Variants in ASTN2 observed in about 807,000 individuals in gnomAD.
ASTN2 encodes astrotactin 2.
A neutral mutation model predicts 139.8 loss-of-function variants in ASTN2; 54 were observed. That is an observed-to-expected ratio of 0.39 (90% CI 0.31 to 0.48). The LOEUF is 0.48. ASTN2 is among the 20% of genes least tolerant of loss of function. The pLI is 0.95. For missense variants in ASTN2, 1,565 were observed against 1,725.1 expected (o/e 0.91, Z 1.64); for synonymous variants, 756 against 719.5 (o/e 1.05, Z -0.81).
At chr9:116,912,409 G>A (rs1463198614) in intron 10 of ASTN2, among the ~76,000 whole-genome samples, 1 of 152,200 alleles carries the variant, frequency 6.6e-6, no homozygotes, top group East Asian at 1.9e-4. Context: ...CACAAGGTCC[G>A]CCTTCTTCAT....
chr9:116,567,394 C>T (rs940834769), intron 19 of ASTN2, among the ~76,000 whole-genome samples: 4 of 152,194 alleles, frequency 2.6e-5, no homozygotes, highest in African/African-American at 9.6e-5. Flanking sequence ...CCACTGAGTG[C>T]TCTTCTCAGT....
chr9:116,841,001 C>G (rs1185363328), intron 11 of ASTN2, among the ~76,000 whole-genome samples: 1 of 151,912 alleles, frequency 6.6e-6, no homozygotes, highest in African/African-American at 2.4e-5. Flanking sequence ...GCTGCAATCT[C>G]GGCACTTTGG....
chr9:117,044,840 C>T (rs1838685232), intron 5 of ASTN2, among the ~76,000 whole-genome samples: 1 of 152,224 alleles, frequency 6.6e-6, no homozygotes, highest in African/African-American at 2.4e-5. Flanking sequence ...TTGAAGCTTA[C>T]ATGTTAGTGG....
At chr9:116,454,242 T>C (rs1235664950) in intron 20 of ASTN2, among the ~76,000 whole-genome samples, 1 of 152,160 alleles carries the variant, frequency 6.6e-6, no homozygotes, top group East Asian at 1.9e-4. Context: ...AAACTAACCA[T>C]ACTGAACAAC....
chr9:116,958,720 T>A (rs1393564835), intron 10 of ASTN2, among the ~76,000 whole-genome samples: 2 of 152,032 alleles, frequency 1.3e-5, no homozygotes, highest in Non-Finnish European at 2.9e-5. Flanking sequence ...TGGGAGTAGA[T>A]GTTCTAGGAT....
In ASTN2 at chr9:116,747,874, C is replaced by G. The variant is rs552406936; in HGVS notation, c.2397-14351G>C. Among the ~76,000 whole-genome samples, 9 of 152,288 alleles carry G rather than the reference C, an allele frequency of 5.9e-5. No homozygotes were observed. In the East Asian group the frequency reaches 1.5e-3, roughly 26 times the overall value. On this transcript the variant is annotated intron_variant, in intron 13 of 22. Transcript: ENST00000313400. ...CAGGCATGGCTGTTACTAACTCCTG[C>G]CCTGGTAATTGCGATCCCTGAAATT...
intron 13 of ASTN2, among the ~76,000 whole-genome samples, chr9:116,738,487 A>G (rs1829005922): frequency 6.6e-6 from 1 of 152,140 alleles, no homozygotes; most frequent in Non-Finnish European, 1.5e-5. Flanking sequence ...AGAAAAAAAA[A>G]AAAAGACTAT....
intron 5 of ASTN2, among the ~76,000 whole-genome samples, chr9:117,048,168 A>T: frequency 6.6e-6 from 1 of 152,094 alleles, no homozygotes; most frequent in Non-Finnish European, 1.5e-5. Context: ...AGAAGCAACA[A>T]ATTTAACTGC....
At chr9:117,352,892 T>C (rs1367500147) in intron 1 of ASTN2, among the ~76,000 whole-genome samples, 4 of 152,182 alleles carry the variant, frequency 2.6e-5, no homozygotes, top group Non-Finnish European at 5.9e-5. Context: ...GACACTAGGC[T>C]AAGTGATAGA....
intron 19 of ASTN2, among the ~76,000 whole-genome samples, chr9:116,586,662 C>G (rs58458179): frequency 6.6e-6 from 1 of 151,894 alleles, no homozygotes; most frequent in African/African-American, 2.4e-5. Context: ...AGGGAGAGAT[C>G]CGGCTCAAAA....
At chr9:117,076,191 G>A (rs1156413852) in intron 5 of ASTN2, among the ~76,000 whole-genome samples, 1 of 152,228 alleles carries the variant, frequency 6.6e-6, no homozygotes, top group Admixed American at 6.5e-5. Context: ...CACCTGCTGA[G>A]CTTCGTGGAC....
At chr9:116,578,109 G>C (rs755301349) in intron 19 of ASTN2, among the ~76,000 whole-genome samples, 11 of 152,104 alleles carry the variant, frequency 7.2e-5, no homozygotes, top group Non-Finnish European at 1.5e-4. Context: ...GAGGTAATAG[G>C]GGAAGAATGA....
intron 4 of ASTN2, among the ~76,000 whole-genome samples, chr9:117,096,519 A>G (rs766049347): frequency 3.9e-5 from 6 of 152,200 alleles, no homozygotes; most frequent in Admixed American, 2.0e-4. Flanking sequence ...ACTGATAGCT[A>G]TTGTTGCTTT....
rs11395772 is a variant in ASTN2, at chr9:116,701,880, G to GTTTT, written c.2806+23887_2806+23890dup. Among the ~76,000 whole-genome samples the GTTTT allele has an allele frequency of 1.7e-3, 232 of 133,320 alleles. 2 individuals carry two copies. The highest frequency in any genetic ancestry group is 5.9e-3 in the African/African-American group (212 of 36,050). 87.5% of individuals were successfully genotyped at this position (133,320 alleles called of 152,430 possible). ...TTGTTCAATTACAGCAGTTTTTTGG[G>GTTTT]TTTTTTTTTTTTTTTTGCTTTGTTT... On this transcript the variant is annotated intron_variant, in intron 16 of 22. Coordinates refer to ENST00000313400, the MANE Select transcript of ASTN2 (RefSeq NM_001365068.1).
At chr9:117,320,737 C>A (rs903627586) in intron 1 of ASTN2, among the ~76,000 whole-genome samples, 1 of 152,116 alleles carries the variant, frequency 6.6e-6, no homozygotes, top group African/African-American at 2.4e-5. Flanking sequence ...CTCTCATAGC[C>A]CTTTGATTTC....
At chr9:117,036,586 A>G (rs1838390443) in intron 6 of ASTN2, among the ~76,000 whole-genome samples, 2 of 152,112 alleles carry the variant, frequency 1.3e-5, no homozygotes, top group Admixed American at 1.3e-4. Context: ...GGGAAGGAAT[A>G]TTCTCTCCCT....
chr9:117,334,120 GAC>G (rs1564151773), intron 1 of ASTN2, among the ~76,000 whole-genome samples: 2 of 152,158 alleles, frequency 1.3e-5, no homozygotes, highest in South Asian at 4.1e-4. Flanking sequence ...GGCAGCCAGA[GAC>G]ACATAAAAAA....
chr9:116,844,240 A>G (rs1832356831), intron 11 of ASTN2, among the ~76,000 whole-genome samples: 1 of 152,222 alleles, frequency 6.6e-6, no homozygotes, highest in African/African-American at 2.4e-5. Context: ...GTCCCACATC[A>G]GAAAGAATCA....
At chr9:116,853,122 G>A (rs371189946) in intron 11 of ASTN2, among the ~76,000 whole-genome samples, 3 of 152,022 alleles carry the variant, frequency 2.0e-5, no homozygotes. Context: ...TGTATGGAAG[G>A]ATATGTATCT....
Sources: allele counts gnomAD v4.1 joint callset (sites outside exome capture counted in the v4.1 genomes callset), GRCh38; gene constraint gnomAD v4.1.1; transcripts MANE v1.5; gene names NCBI Gene and HGNC (gene_info 2026-07-23, HGNC 2026-07-21).